The following CROCC2 variants were observed in gnomAD, a reference collection of about 807,000 sequenced individuals.
CROCC2 encodes the protein ciliary rootlet coiled-coil protein 2.
CROCC2 carries 163 observed loss-of-function variants against 177.6 expected under a neutral mutation model. That is an observed-to-expected ratio of 0.92 (90% CI 0.81 to 1.05). The LOEUF is 1.05. Ranked by LOEUF, CROCC2 falls within the 50% of genes least tolerant of loss-of-function variation. The probability of loss-of-function intolerance (pLI) is 0.00; values close to 1 mark genes in which losing one functional copy is unlikely to be tolerated. For missense variants in CROCC2, 1,929 were observed against 1,797.8 expected (o/e 1.07, Z -1.32); for synonymous variants, 904 against 787.3 (o/e 1.15, Z -2.48).
At chr2:240,990,368 T>C (rs2059869624) in intron 30 of CROCC2, among the ~76,000 whole-genome samples, 1 of 152,172 alleles carries the variant, frequency 6.6e-6, no homozygotes, top group Non-Finnish European at 1.5e-5. Flanking sequence ...GTGACAGACC[T>C]GCTGGGCTGA....
intron 31 of CROCC2, 115 bp downstream of exon 31, chr2:240,991,393 T>G (rs2059878670): frequency 6.8e-6 from 6 of 880,898 alleles, no homozygotes; most frequent in African/African-American, 1.7e-5. Context: ...GAACCACTGT[T>G]GGGAAAACCA....
rs2059616694 is a variant in CROCC2, at chr2:240,959,464, G to A, written c.3087+20G>A. On this transcript the variant is annotated intron_variant, in intron 20 of 31. Transcript: ENST00000690015. Reference sequence around the variant, plus strand: ...AGAGAGGTGAGAGGCAGGGCTGGGGGGCTCCTGGGGATGCCAGAGGACAGG... The same window carrying A: ...AGAGAGGTGAGAGGCAGGGCTGGGGAGCTCCTGGGGATGCCAGAGGACAGG... The A allele has an allele frequency of 6.5e-7, 1 of 1,547,786 alleles. No individual in the cohort carries two copies. Among genetic ancestry groups the A allele is most frequent in the Admixed American group, 2.0e-5 (1 of 50,636 alleles).
chr2:240,983,658 T>C, intron 28 of CROCC2: 1 of 1,265,656 alleles, frequency 7.9e-7, no homozygotes, highest in Non-Finnish European at 1.0e-6. Flanking sequence ...GGAGAGGCGC[T>C]GGCCCACGCA....
In CROCC2 at chr2:240,949,114, C is replaced by G. The variant is rs1254009958; in HGVS notation, c.2482+17C>G. The G allele has an allele frequency of 3.3e-6, 5 of 1,508,764 alleles. No individual in the cohort carries two copies. In the African/African-American group the frequency reaches 4.2e-5, roughly 13 times the overall value. The allele number at this position is 1,508,764 out of a possible 1,614,324, so 93.5% of individuals were successfully genotyped here. A position where few individuals can be genotyped will look rare whatever the true frequency, so the allele number is the denominator to read the frequency against. On this transcript the variant is annotated intron_variant, in intron 16 of 31. Transcript: ENST00000690015. The surrounding 1 kb of genome is among the most constrained non-coding windows in gnomAD (Gnocchi z 4.5). ...CCTTGCAAGGTGCTCCAAGGGCGCT[C>G]CCTCAGCTCCTTCCCCGAAAGTCAG...
At chr2:240,985,970 T>C (rs1353984196) in intron 28 of CROCC2, 1 of 456,550 alleles carries the variant, frequency 2.2e-6, no homozygotes. Flanking sequence ...CCTCTTTCTG[T>C]TCATCCTCCT....
In CROCC2 at chr2:240,953,756, G is replaced by T. The variant is rs189613742; in HGVS notation, c.2830-2103G>T. On this transcript the variant is annotated intron_variant, in intron 18 of 31. Transcript: ENST00000690015. This position sits in a 1 kb window ranked among gnomAD's most constrained non-coding sequence, Gnocchi z 4.0. The stretch of plus-strand genomic sequence containing the variant: ...TTGGGGATCTTATTTCTGTAATGAA[G>T]AAGAGGAATTATATGTGGAGCAAGA... Among the ~76,000 whole-genome samples the T allele has an allele frequency of 6.6e-6, 1 of 152,202 alleles. No individual in the cohort carries two copies. The highest frequency in any genetic ancestry group is 1.5e-5 in the Non-Finnish European group (1 of 68,002).
chr2:240,919,347 C>T (rs1379763455), intron 2 of CROCC2, among the ~76,000 whole-genome samples: 1 of 152,148 alleles, frequency 6.6e-6, no homozygotes, highest in Admixed American at 6.5e-5. Flanking sequence ...TCTTCCTCAG[C>T]GTGGAAATGC....
chr2:240,976,350 A>T (rs868350189), intron 27 of CROCC2, among the ~76,000 whole-genome samples: 173 of 95,764 alleles, frequency 1.8e-3, no homozygotes, highest in Middle Eastern at 4.9e-3. Context: ...TAGGAGCCTC[A>T]GGAGCCCAGG....
chr2:240,984,484 C>A (rs2059822269), intron 28 of CROCC2, among the ~76,000 whole-genome samples: 1 of 151,906 alleles, frequency 6.6e-6, no homozygotes, highest in Non-Finnish European at 1.5e-5. Flanking sequence ...ACAACACCCC[C>A]TCCCCATCAC....
At position 240,930,261 on chromosome 2, in the gene CROCC2, C is replaced by A; in HGVS notation, c.741C>A (p.Ala247=). The A allele has an allele frequency of 1.8e-6, 1 of 544,012 alleles. No individual in the cohort carries two copies. Among genetic ancestry groups the A allele is most frequent in the Non-Finnish European group, 3.4e-6 (1 of 296,362 alleles). The allele number at this position is 544,012 out of a possible 1,614,324, so 33.7% of individuals were successfully genotyped here. A position where few individuals can be genotyped will look rare whatever the true frequency, so the allele number is the denominator to read the frequency against. ...LGTDLAELRV[A]TERGLADLQA... is the part of the protein sequence containing the mutation. Reference sequence around the variant, plus strand: ...CAGACCTGGCCGAGCTGCGTGTAGCCACTGAGAGGTGAGTGCCAGCCGCCC... The same window carrying A: ...CAGACCTGGCCGAGCTGCGTGTAGCAACTGAGAGGTGAGTGCCAGCCGCCC... The change falls in exon 6 of 32, where the codon GCC becomes GCA. Residue 247 remains alanine (A), a synonymous_variant. Coordinates refer to ENST00000690015, the MANE Select transcript of CROCC2 (RefSeq NM_001351305.2).
At chr2:240,964,164 G>A in intron 21 of CROCC2, 2 of 543,246 alleles carry the variant, frequency 3.7e-6, no homozygotes, top group South Asian at 2.2e-5. Flanking sequence ...GGTGGCAGAG[G>A]TACCAGGCTA....
Position 240,925,769 on chromosome 2 carries a change from G to A in CROCC2, c.534G>A (p.Leu178=), listed in dbSNP as rs111286296. The part of the protein sequence containing the change: ...CQVNALLREQ[L]EHMKKANDAL... ...TGAACGCGCTCCTGCGGGAGCAGCTGGAACATATGAAGAAGGCCAATGACG... is the reference window on the plus strand; with the variant it reads ...TGAACGCGCTCCTGCGGGAGCAGCTAGAACATATGAAGAAGGCCAATGACG... The change falls in exon 5 of 32, where the codon CTG becomes CTA. Residue 178 remains leucine, a synonymous_variant. Transcript: ENST00000690015. 23 of 717,098 alleles carry A rather than the reference G, an allele frequency of 3.2e-5. No homozygotes were observed. The highest frequency in any genetic ancestry group is 2.8e-4 in the African/African-American group (16 of 57,400). 44.4% of individuals were successfully genotyped at this position (717,098 alleles called of 1,614,324 possible).
At chr2:240,965,583 C>T (rs1292832144) in intron 23 of CROCC2, 53 bp from the exon 24 acceptor site, 1 of 1,549,282 alleles carries the variant, frequency 6.5e-7, no homozygotes, top group Non-Finnish European at 8.7e-7. Context: ...GGAGGAGGCC[C>T]ACCCCACTTC....
chr2:240,971,021 C>T lies in CROCC2; in HGVS notation c.4401+2759C>T, dbSNP rs995086067. On this transcript the variant is annotated intron_variant, in intron 27 of 31. Coordinates refer to ENST00000690015, the MANE Select transcript of CROCC2 (RefSeq NM_001351305.2). ...CCAGCGTGGCGAGTCCAGCTCTTTGCGTTGTCGGGCTGAGCCTCATTTCTG... is the reference window on the plus strand; with the variant it reads ...CCAGCGTGGCGAGTCCAGCTCTTTGTGTTGTCGGGCTGAGCCTCATTTCTG... 2.6e-5 allele frequency among the ~76,000 whole-genome samples: 4 copies of T among 152,166 alleles called. No individual in the cohort carries two copies. The East Asian group carries it at 5.8e-4, about 22-fold the overall frequency.
At chr2:240,934,799 C>A (rs147852204) in intron 12 of CROCC2, 117 bp from the exon 13 acceptor site, 2 of 1,179,036 alleles carry the variant, frequency 1.7e-6, no homozygotes, top group Non-Finnish European at 2.3e-6. Flanking sequence ...CCACCATGTC[C>A]GCCCAAGAGC....
At chr2:240,932,638 G>A in intron 8 of CROCC2, 64 bp from the exon 9 acceptor site, 1 of 717,620 alleles carries the variant, frequency 1.4e-6, no homozygotes, top group Admixed American at 2.0e-5. Context: ...TGTCTGCGCG[G>A]TCCCCACCAA....
At chr2:240,964,099 GC>G in intron 21 of CROCC2, 1 of 538,252 alleles carries the variant, frequency 1.9e-6, no homozygotes, top group East Asian at 3.2e-5. Context: ...CCTGGCTGGG[GC>G]TCTAGAAAGG....
At chr2:240,947,802 G>A (rs533810672) in intron 15 of CROCC2, among the ~76,000 whole-genome samples, 118 of 152,190 alleles carry the variant, frequency 7.8e-4, no homozygotes, top group African/African-American at 2.5e-3. Context: ...TTGTCAGCCA[G>A]CAAGATGGAC....
At chr2:240,928,421 TG>T (rs1559593333) in intron 5 of CROCC2, among the ~76,000 whole-genome samples, 1 of 12,602 alleles carries the variant, frequency 7.9e-5, no homozygotes, top group African/African-American at 1.2e-3. Context: ...GTGCCTGTTT[TG>T]TGTGTGTGTG....
Sources: allele counts gnomAD v4.1 joint callset (sites outside exome capture counted in the v4.1 genomes callset), GRCh38; gene constraint gnomAD v4.1.1; non-coding constraint Gnocchi (gnomAD v3.1); transcripts MANE v1.5; gene names NCBI Gene and HGNC (gene_info 2026-07-23, HGNC 2026-07-21).